Variants in FMNL2 observed in about 807,000 individuals in gnomAD.
FMNL2 encodes formin like 2, also known as formin-like protein 2.
In FMNL2, 51 loss-of-function variants were observed where a neutral mutation model predicts 130.2. The observed-to-expected ratio is 0.39, with a 90% CI of 0.31 to 0.49. The LOEUF is 0.49. Ranked by LOEUF, FMNL2 falls within the 20% of genes least tolerant of loss-of-function variation. FMNL2 has a pLI of 0.85. For missense variants in FMNL2, 977 were observed against 1,316.2 expected (o/e 0.74, Z 3.99); for synonymous variants, 465 against 467.1 (o/e 1.00, Z 0.06).
At chr2:152,593,652 A>C (rs1283590977) in intron 9 of FMNL2, among the ~76,000 whole-genome samples, 2 of 152,216 alleles carry the variant, frequency 1.3e-5, no homozygotes, top group East Asian at 3.8e-4. Context: ...ATATACACTT[A>C]ATGAAGAGGA....
chr2:152,364,786 A>G (rs1442711836), intron 1 of FMNL2, among the ~76,000 whole-genome samples: 2 of 152,180 alleles, frequency 1.3e-5, no homozygotes, highest in Admixed American at 1.3e-4. Context: ...TATCTTCTGT[A>G]TTGATACTGA....
intron 1 of FMNL2, among the ~76,000 whole-genome samples, chr2:152,405,208 T>C (rs758547516): frequency 6.6e-6 from 1 of 152,182 alleles, no homozygotes; most frequent in Non-Finnish European, 1.5e-5. Context: ...TTGGCTATAA[T>C]GAGCTGGGCA....
At chr2:152,430,762 A>G (rs1687451075) in intron 1 of FMNL2, among the ~76,000 whole-genome samples, 1 of 152,128 alleles carries the variant, frequency 6.6e-6, no homozygotes, top group African/African-American at 2.4e-5. Flanking sequence ...AGTCCCAGAT[A>G]CTGGGGAGGC....
intron 9 of FMNL2, among the ~76,000 whole-genome samples, chr2:152,591,172 C>T (rs1697419366): frequency 6.6e-6 from 1 of 151,602 alleles, no homozygotes; most frequent in East Asian, 1.9e-4. Flanking sequence ...CCACGCCTGG[C>T]TAATTTTTTT....
intron 8 of FMNL2, among the ~76,000 whole-genome samples, chr2:152,579,552 G>A (rs1696662353): frequency 6.6e-6 from 1 of 152,036 alleles, no homozygotes; most frequent in African/African-American, 2.4e-5. Context: ...CAAAAAATTA[G>A]CCAGACATGG....
chr2:152,616,891 T>G (rs1378033665), intron 12 of FMNL2, among the ~76,000 whole-genome samples, 200 bp from the exon 13 acceptor site: 3 of 152,192 alleles, frequency 2.0e-5, no homozygotes, highest in Non-Finnish European at 4.4e-5. Context: ...TTATTAAGAA[T>G]CATGTCTAAG....
chr2:152,347,477 T>G (rs1407594581), intron 1 of FMNL2, among the ~76,000 whole-genome samples: 2 of 152,232 alleles, frequency 1.3e-5, no homozygotes, highest in African/African-American at 4.8e-5. Context: ...GTATCCCTGC[T>G]TTTCATAATA....
chr2:152,546,613 G>T (rs1354975535), intron 3 of FMNL2, among the ~76,000 whole-genome samples: 2 of 152,130 alleles, frequency 1.3e-5, no homozygotes, highest in Non-Finnish European at 2.9e-5. Flanking sequence ...AGCAAAGGCT[G>T]CAGGGAATGA....
intron 4 of FMNL2, among the ~76,000 whole-genome samples, chr2:152,555,618 C>T (rs1192385884): frequency 6.6e-6 from 1 of 152,208 alleles, no homozygotes; most frequent in Non-Finnish European, 1.5e-5. Context: ...ACATCTCTTC[C>T]TTGCACCCAA....
intron 1 of FMNL2, among the ~76,000 whole-genome samples, chr2:152,339,174 A>G (rs1681656075): frequency 6.8e-6 from 1 of 147,892 alleles, no homozygotes; most frequent in Non-Finnish European, 1.5e-5. Flanking sequence ...TTCTTAAAAC[A>G]TTATGAGATT....
intron 1 of FMNL2, among the ~76,000 whole-genome samples, chr2:152,352,119 C>T (rs12468749): frequency 0.1 from 15,605 of 152,204 alleles, 2,183 homozygotes; most frequent in East Asian, 0.68. Context: ...TCCTGCTTGC[C>T]AGTAGGTTTA....
intron 4 of FMNL2, among the ~76,000 whole-genome samples, chr2:152,555,145 G>T (rs546381089): frequency 6.6e-6 from 1 of 152,204 alleles, no homozygotes; most frequent in African/African-American, 2.4e-5. Flanking sequence ...GTAAGTGTCA[G>T]TGTCAACAGA....
At chr2:152,612,825 T>C (rs907111501) in intron 11 of FMNL2, among the ~76,000 whole-genome samples, 14 of 151,852 alleles carry the variant, frequency 9.2e-5, no homozygotes, top group African/African-American at 3.4e-4. Context: ...GCTAGGCTAG[T>C]CTCATACTCC....
At chr2:152,524,418 G>A (rs779881801) in intron 2 of FMNL2, among the ~76,000 whole-genome samples, 4 of 152,136 alleles carry the variant, frequency 2.6e-5, no homozygotes, top group Non-Finnish European at 5.9e-5. Context: ...GAGGGAGTGG[G>A]GCTACGGAAG....
intron 15 of FMNL2, 156 bp from the exon 16 acceptor site, chr2:152,625,282 T>C (rs1681703423): frequency 5.3e-6 from 4 of 752,002 alleles, no homozygotes; most frequent in Non-Finnish European, 8.1e-6. Flanking sequence ...GCCAAGGCCA[T>C]GTGTGTTGTT....
intron 1 of FMNL2, among the ~76,000 whole-genome samples, chr2:152,352,526 A>G (rs1469923281): frequency 2.6e-5 from 4 of 152,232 alleles, no homozygotes; most frequent in Non-Finnish European, 5.9e-5. Context: ...TAAATGTTTC[A>G]AAGTAAATTG....
chr2:152,395,445 G>C (rs1685340075), intron 1 of FMNL2, among the ~76,000 whole-genome samples: 1 of 152,226 alleles, frequency 6.6e-6, no homozygotes, highest in Non-Finnish European at 1.5e-5. Context: ...TTATGCCCCA[G>C]ATGGCCTGTT....
intron 2 of FMNL2, 86 bp from the exon 3 acceptor site, chr2:152,542,653 G>T: frequency 7.4e-7 from 1 of 1,359,460 alleles, no homozygotes. Flanking sequence ...ATGCATTTTG[G>T]TCATATTTTG....
At chr2:152,505,362 G>T (rs1020988575) in intron 1 of FMNL2, among the ~76,000 whole-genome samples, 3 of 151,868 alleles carry the variant, frequency 2.0e-5, no homozygotes, top group Non-Finnish European at 4.4e-5. Context: ...GAGTTACAAG[G>T]AAAAAAATGG....
Sources: allele counts gnomAD v4.1 joint callset (sites outside exome capture counted in the v4.1 genomes callset), GRCh38; gene constraint gnomAD v4.1.1; transcripts MANE v1.5; gene names NCBI Gene and HGNC (gene_info 2026-07-23, HGNC 2026-07-21).